Variants in LEPR observed in about 807,000 individuals in gnomAD.
LEPR encodes the protein OB receptor.
Under a neutral mutation model 114.7 loss-of-function variants are expected in LEPR, and 56 were observed. The ratio of observed to expected loss-of-function variants is 0.49; its 90% CI spans 0.39 to 0.61. LEPR has a LOEUF of 0.61. Among genes scored for constraint, LEPR ranks in the 20% least tolerant of loss-of-function variants. LEPR has a pLI of 0.00. For missense variants in LEPR, 1,202 were observed against 1,352.9 expected (o/e 0.89, Z 1.75); for synonymous variants, 443 against 461.4 (o/e 0.96, Z 0.51).
chr1:65,488,214 C>CTTTCTTTCTTTCTTTTTCTT (rs774153035), intron 2 of LEPR, among the ~76,000 whole-genome samples: 1 of 46,794 alleles, frequency 2.1e-5, no homozygotes, highest in Non-Finnish European at 3.6e-5. Context: ...CTTTCTTTCT[C>CTTTCTTTCTTTCTTTTTCTT]TCTCTCTCTC....
intron 8 of LEPR, among the ~76,000 whole-genome samples, chr1:65,599,609 T>TTA (rs1656309187): frequency 1.3e-5 from 2 of 152,142 alleles, no homozygotes; most frequent in South Asian, 4.1e-4. Context: ...CAACAGAAGT[T>TTA]TATAGGAGTT....
rs12070217 is a variant in LEPR, at chr1:65,576,646, A to G, written c.494+4197A>G. The G allele has an allele frequency of 4.0e-3, 620 of 156,598 alleles. 33 individuals carry two copies. The highest frequency in any genetic ancestry group is 0.014 in the African/African-American group (579 of 40,938). 9.7% of individuals were successfully genotyped at this position (156,598 alleles called of 1,614,324 possible). ...GCATCCTAACTTCTTTCTCAATTCA[A>G]CATGCTCACTGATGGTTCCAAAGCT... is the stretch of plus-strand genomic sequence containing the variant. On this transcript the variant is annotated intron_variant, in intron 5 of 19. Coordinates refer to ENST00000349533, the MANE Select transcript of LEPR (RefSeq NM_002303.6).
chr1:65,539,981 A>G (rs1225241833), intron 2 of LEPR, among the ~76,000 whole-genome samples: 2 of 152,182 alleles, frequency 1.3e-5, no homozygotes. Flanking sequence ...AGAGCTACCC[A>G]GTAAACTTTA....
chr1:65,489,199 G>A (rs1331532161), intron 2 of LEPR, among the ~76,000 whole-genome samples: 2 of 152,056 alleles, frequency 1.3e-5, no homozygotes, highest in Middle Eastern at 3.2e-3. Flanking sequence ...CATATTGTTT[G>A]CCATAGTGGC....
chr1:65,621,996 T>C (rs1378253109), intron 18 of LEPR, among the ~76,000 whole-genome samples: 1 of 152,164 alleles, frequency 6.6e-6, no homozygotes, highest in African/African-American at 2.4e-5. Context: ...TTGTGGTTTA[T>C]GGTAATGCTG....
intron 5 of LEPR, among the ~76,000 whole-genome samples, chr1:65,584,720 G>C (rs1236385880): frequency 1.3e-5 from 2 of 152,130 alleles, no homozygotes; most frequent in East Asian, 3.9e-4. Context: ...ATGGGTACAT[G>C]GTCAAATATT....
At chr1:65,545,787 G>T (rs1268601696) in intron 2 of LEPR, among the ~76,000 whole-genome samples, 1 of 151,866 alleles carries the variant, frequency 6.6e-6, no homozygotes, top group Non-Finnish European at 1.5e-5. Flanking sequence ...AGTTTCTTTG[G>T]CTGTGCAGAA....
rs1570795058 is a variant in LEPR, at chr1:65,602,974, G to A, written c.1403+1014G>A. 2.0e-5 allele frequency among the ~76,000 whole-genome samples: 3 copies of A among 152,064 alleles called. No homozygotes were observed. In the South Asian group the frequency reaches 6.2e-4, roughly 32 times the overall value. On this transcript the variant is annotated intron_variant, in intron 10 of 19. Transcript: ENST00000349533. ...TCATGGCATTTTCACATTAGAAAAG[G>A]TGTTTATGGAAAACTATTATGTTAA...
intron 2 of LEPR, among the ~76,000 whole-genome samples, chr1:65,438,191 A>G (rs1302462192): frequency 2.7e-5 from 4 of 150,678 alleles, no homozygotes; most frequent in African/African-American, 9.8e-5. Context: ...AATAATATAA[A>G]TAAAATAGCT....
Position 65,616,058 on chromosome 1 carries a change from C to G in LEPR, c.2046C>G (p.Asn682Lys). 1 of 1,614,114 alleles carries G rather than the reference C, an allele frequency of 6.2e-7. No homozygotes were observed. Among genetic ancestry groups the G allele is most frequent in the Non-Finnish European group, 8.5e-7 (1 of 1,179,992 alleles). ...SLCSVQRYVI[N>K]HHTSCNGTWS... ...GCAGTGTTCAGAGATATGTGATAAACCATCATACTTCCTGCAATGGAACAT... is the reference window on the plus strand; with the variant it reads ...GCAGTGTTCAGAGATATGTGATAAAGCATCATACTTCCTGCAATGGAACAT... Residue 682 changes from asparagine (N) to lysine (K), a missense_variant, in exon 15 of 20, where the codon AAC becomes AAG. By Grantham distance (94) the Asn-to-Lys change is moderately conservative (BLOSUM62 0). Coordinates refer to ENST00000349533, the MANE Select transcript of LEPR (RefSeq NM_002303.6).
At chr1:65,613,966 C>T (rs1384476628) in intron 14 of LEPR, among the ~76,000 whole-genome samples, 1 of 151,710 alleles carries the variant, frequency 6.6e-6, no homozygotes, top group African/African-American at 2.4e-5. Flanking sequence ...GGTGAGGATG[C>T]AGGGCAGCAA....
Position 65,626,022 on chromosome 1 carries a change from A to G in LEPR, c.2673+3041A>G, listed in dbSNP as rs1407152116. 1.2e-5 allele frequency: 12 copies of G among 1,020,886 alleles called. No individual in the cohort carries two copies. The Admixed American group carries it at 1.4e-4, about 12-fold the overall frequency. 63.2% of individuals were successfully genotyped at this position (1,020,886 alleles called of 1,614,324 possible). ...TCTGAAATCTTACCTATGGACCACC[A>G]TGAAGTGGTTTCTCAGTGTTCAGGA... On this transcript the variant is annotated intron_variant, in intron 19 of 19. Coordinates refer to ENST00000349533, the MANE Select transcript of LEPR (RefSeq NM_002303.6).
intron 19 of LEPR, among the ~76,000 whole-genome samples, chr1:65,632,036 A>G (rs1557707710): frequency 6.6e-6 from 1 of 152,156 alleles, no homozygotes; most frequent in Non-Finnish European, 1.5e-5. Flanking sequence ...AGTTTACTCC[A>G]TTTAACAACT....
chr1:65,430,142 C>A, intron 2 of LEPR: 2 of 1,122,110 alleles, frequency 1.8e-6, no homozygotes, highest in Non-Finnish European at 2.4e-6. Flanking sequence ...ATTACTTAGG[C>A]TTTATACTCA....
chr1:65,533,608 T>G (rs1421093053), intron 2 of LEPR, among the ~76,000 whole-genome samples: 1 of 152,154 alleles, frequency 6.6e-6, no homozygotes, highest in East Asian at 1.9e-4. Flanking sequence ...ATTTTCAGCC[T>G]TTCTTCTTTT....
At chr1:65,624,667 A>G (rs967125441) in intron 19 of LEPR, among the ~76,000 whole-genome samples, 3 of 152,204 alleles carry the variant, frequency 2.0e-5, no homozygotes, top group South Asian at 2.1e-4. Context: ...CTTGAAATAG[A>G]ATGTTTTAAA....
intron 2 of LEPR, among the ~76,000 whole-genome samples, chr1:65,498,384 C>T (rs1648270173): frequency 6.6e-6 from 1 of 152,126 alleles, no homozygotes; most frequent in Non-Finnish European, 1.5e-5. Context: ...CTTTCTCTAA[C>T]TGCATTGCAA....
At chr1:65,488,256 C>CTTTCTTTCTTTCTTTCTTTCTTTCT (rs1557620468) in intron 2 of LEPR, among the ~76,000 whole-genome samples, 1 of 100,390 alleles carries the variant, frequency 1.0e-5, no homozygotes, top group African/African-American at 3.9e-5. Context: ...TTCTTTCTTT[C>CTTTCTTTCTTTCTTTCTTTCTTTCT]TTTTCTTTCT....
intron 11 of LEPR, among the ~76,000 whole-genome samples, chr1:65,606,379 C>G (rs1230079871): frequency 6.6e-6 from 1 of 152,064 alleles, no homozygotes; most frequent in Non-Finnish European, 1.5e-5. Flanking sequence ...CTTGAATAAC[C>G]TATGGTGTTA....
Sources: gnomAD v4.1 joint callset for allele counts (sites outside exome capture counted in the v4.1 genomes callset) on GRCh38, gnomAD v4.1.1 for gene constraint, MANE v1.5 for transcripts, NCBI Gene and HGNC (gene_info 2026-07-23, HGNC 2026-07-21) for gene names.